The following LAMA1 variants were observed in gnomAD, a reference collection of about 807,000 sequenced individuals.
LAMA1 encodes laminin subunit alpha 1, also known as laminin subunit alpha-1.
LAMA1 carries 219 observed loss-of-function variants against 348.7 expected under a neutral mutation model. The observed-to-expected ratio is 0.63, with a 90% CI of 0.56 to 0.70. The LOEUF (loss-of-function observed/expected upper bound fraction) is 0.70, where lower values mean the gene tolerates loss of function less well. LAMA1 is among the 30% of genes least tolerant of loss of function. The pLI is 0.00. For missense variants in LAMA1, 3,744 were observed against 3,888.0 expected, an observed-to-expected ratio of 0.96 and a Z score of 0.99; for synonymous variants, 1,487 against 1,491.0, an observed-to-expected ratio of 1.00 and a Z score of 0.06.
Position 6,976,081 on chromosome 18 carries a change from C to G in LAMA1, c.6346-1G>C. ...TGTCTGCAGACACGGCGACTTTAAT[C>G]TGTAGAAGGAAAATGAAAGTGTCCC... On this transcript the variant is annotated splice_acceptor_variant, in intron 44 of 62. Coordinates refer to ENST00000389658, the MANE Select transcript of LAMA1 (RefSeq NM_005559.4). LOFTEE classifies it high-confidence loss of function. The G allele has an allele frequency of 1.9e-6, 3 of 1,614,080 alleles. No individual in the cohort carries two copies. Among genetic ancestry groups the G allele is most frequent in the Non-Finnish European group, 2.5e-6 (3 of 1,179,996 alleles).
intron 59 of LAMA1, 126 bp downstream of exon 59, chr18:6,948,975 A>T (rs1015293192): frequency 1.8e-5 from 22 of 1,241,158 alleles, no homozygotes; most frequent in Admixed American, 4.0e-5. Flanking sequence ...TGCAAAGTAA[A>T]CCTCTTCACA....
rs1156658277 is a variant in LAMA1 at position 6,961,656 on chromosome 18, C to T, written c.7556G>A (p.Ser2519Asn). 2 of 1,614,168 alleles carry T rather than the reference C, an allele frequency of 1.2e-6. No individual in the cohort carries two copies. The highest frequency in any genetic ancestry group is 1.7e-6 in the Non-Finnish European group (2 of 1,180,042). The change falls in exon 53 of 63, where the codon AGC becomes AAC. Residue 2519 changes from serine (S) to asparagine (N), a missense_variant. Around this residue, in one of 3 missense-constraint regions of LAMA1, gnomAD observed 1,983 missense variants for 1,934.3 expected, o/e 1.03. Coordinates refer to ENST00000389658, the MANE Select transcript of LAMA1 (RefSeq NM_005559.4). Reference sequence around the variant, plus strand: ...GAGGGCAGCCAGGATGATGCCACTGCTGTTCGTGGTGGCAAATGTTACCAG... The same window carrying T: ...GAGGGCAGCCAGGATGATGCCACTGTTGTTCGTGGTGGCAAATGTTACCAG... ...EWLVTFATTN[S>N]SGIILAALGG...
intron 47 of LAMA1, chr18:6,972,198 A>T (rs2057661499): frequency 2.6e-5 from 14 of 530,368 alleles, no homozygotes; most frequent in South Asian, 2.6e-4. Context: ...GATCTTAAAG[A>T]TCATCTCAGT....
At chr18:7,073,822 T>TTGTGTGTG (rs112415914) in intron 3 of LAMA1, among the ~76,000 whole-genome samples, 38 of 139,806 alleles carry the variant, frequency 2.7e-4, no homozygotes, top group African/African-American at 9.0e-4. Context: ...ACCATACTGG[T>TTGTGTGTG]TGTGTGTGTG....
chr18:6,946,706 C>T (rs898816552), intron 61 of LAMA1, among the ~76,000 whole-genome samples: 7 of 151,818 alleles, frequency 4.6e-5, no homozygotes, highest in Non-Finnish European at 8.8e-5. Context: ...GCAACAAGAG[C>T]GAAACTCCGT....
chr18:7,016,019 G>T (rs2057886152), intron 21 of LAMA1, among the ~76,000 whole-genome samples, 161 bp from the exon 22 acceptor site: 1 of 152,154 alleles, frequency 6.6e-6, no homozygotes, highest in African/African-American at 2.4e-5. Context: ...CATGGAGGTA[G>T]CCGGCCCTCC....
In LAMA1 at chr18:6,985,406, T is replaced by C. The variant is rs189390548; in HGVS notation, c.5497-6A>G. The stretch of plus-strand genomic sequence containing the variant: ...TCCTGGTGATCCTCTAAGTGCTACA[T>C]GGAGAAATTAATATTGTAAATATAT... On this transcript the variant is annotated splice_polypyrimidine_tract_variant and splice_region_variant and intron_variant, in intron 38 of 62. Transcript: ENST00000389658. 1.2e-4 allele frequency: 195 copies of C among 1,614,122 alleles called. No homozygotes were observed. Among genetic ancestry groups the C allele is most frequent in the Non-Finnish European group, 1.6e-4 (188 of 1,179,966 alleles).
chr18:6,947,476 G>A lies in LAMA1; in HGVS notation c.8711-180C>T, dbSNP rs771523377. On this transcript the variant is annotated intron_variant, in intron 60 of 62. Transcript: ENST00000389658. Reference sequence around the variant, plus strand: ...TCGGCTTCCACATCTGGGAGATGACGTGGAGCTTTTAAAGAAGACGCATGC... The same window carrying A: ...TCGGCTTCCACATCTGGGAGATGACATGGAGCTTTTAAAGAAGACGCATGC... 2.6e-5 allele frequency among the ~76,000 whole-genome samples: 4 copies of A among 152,130 alleles called. No individual in the cohort carries two copies. In the East Asian group the frequency reaches 5.8e-4, roughly 22 times the overall value.
Position 6,986,152 on chromosome 18 carries a change from A to C in LAMA1, c.5364T>G (p.Asn1788Lys). The stretch of plus-strand genomic sequence containing the variant: ...TGAGACTCACACTGAATTCTCTCAG[A>C]TTAGCATTGACCATGAGCAGCAGGT... ...SNHLLLMVNA[N>K]LREFSDKKLH... Residue 1788 changes from asparagine (N) to lysine (K), a missense_variant, in exon 37 of 63, where the codon AAT (asparagine) becomes AAG (lysine). By Grantham distance (94) the Asn-to-Lys change is moderately conservative. This residue lies in a region of LAMA1 where 1,983 missense variants were observed against 1,934.3 expected (regional missense o/e 1.03). Coordinates refer to ENST00000389658, the MANE Select transcript of LAMA1 (RefSeq NM_005559.4). The C allele has an allele frequency of 2.5e-6, 4 of 1,614,216 alleles. No homozygotes were observed. The South Asian group carries it at 4.4e-5, about 18-fold the overall frequency.
chr18:6,956,779 A>G lies in LAMA1; in HGVS notation c.7965-14T>C, dbSNP rs1313928629. ...AAATCCAAAAGTCTAGGTAGAAACA[A>G]GAGAGTGTTTTCAAAATTAGGATAT... On this transcript the variant is annotated splice_polypyrimidine_tract_variant and intron_variant, in intron 55 of 62. Transcript: ENST00000389658. 6.2e-7 allele frequency: 1 copy of G among 1,614,116 alleles called. No individual in the cohort carries two copies. Among genetic ancestry groups the G allele is most frequent in the African/African-American group, 1.3e-5 (1 of 75,062 alleles).
At chr18:7,102,928 T>G (rs1233781550) in intron 1 of LAMA1, among the ~76,000 whole-genome samples, 12 of 152,184 alleles carry the variant, frequency 7.9e-5, no homozygotes, top group Non-Finnish European at 1.5e-4. Context: ...TGTAATCCAT[T>G]TCTTCTTTGC....
chr18:6,966,113 A>G, intron 49 of LAMA1, 34 bp downstream of exon 49: 1 of 1,611,944 alleles, frequency 6.2e-7, no homozygotes, highest in South Asian at 1.1e-5. Context: ...ATGTGTGTAT[A>G]CAGTAGGGCC....
intron 1 of LAMA1, among the ~76,000 whole-genome samples, chr18:7,090,881 G>A (rs2058237316): frequency 6.6e-6 from 1 of 152,188 alleles, no homozygotes; most frequent in Non-Finnish European, 1.5e-5. Context: ...AGAGGGGGTG[G>A]TAAGCAGAAG....
intron 37 of LAMA1, among the ~76,000 whole-genome samples, chr18:6,985,915 C>T (rs1358111828): frequency 2.0e-5 from 3 of 152,196 alleles, no homozygotes; most frequent in South Asian, 2.1e-4. Context: ...CATGCCACCA[C>T]GCCCAGCTAA....
intron 3 of LAMA1, among the ~76,000 whole-genome samples, chr18:7,065,795 C>T (rs7237924): frequency 0.052 from 7,877 of 152,228 alleles, 657 homozygotes; most frequent in African/African-American, 0.18. Flanking sequence ...CCAAATTTCC[C>T]GGGCTATCTC....
intron 3 of LAMA1, among the ~76,000 whole-genome samples, chr18:7,060,067 A>G (rs2058096801): frequency 6.6e-6 from 1 of 152,258 alleles, no homozygotes; most frequent in Non-Finnish European, 1.5e-5. Flanking sequence ...TAGCGTGTCA[A>G]TCACGAAAGC....
chr18:7,043,051 T>C (rs2058027319), intron 8 of LAMA1, 176 bp downstream of exon 8: 3 of 640,452 alleles, frequency 4.7e-6, no homozygotes, highest in African/African-American at 1.8e-5. Flanking sequence ...ACATCTTATT[T>C]TGAGCAAGAA....
chr18:6,964,935 A>C, intron 50 of LAMA1, 132 bp from the exon 51 acceptor site: 1 of 1,046,432 alleles, frequency 9.6e-7, no homozygotes, highest in Admixed American at 2.0e-5. Context: ...TTGATCAGCT[A>C]ATGTTCTTGG....
chr18:7,115,147 G>GA (rs1018774458), intron 1 of LAMA1, among the ~76,000 whole-genome samples: 25 of 152,086 alleles, frequency 1.6e-4, no homozygotes, highest in Non-Finnish European at 7.4e-5. Context: ...TGACAGAAAA[G>GA]AAAAAACGCA....
Sources: allele counts gnomAD v4.1 joint callset (sites outside exome capture counted in the v4.1 genomes callset), GRCh38; gene constraint gnomAD v4.1.1; regional missense constraint gnomAD v4.1.1; transcripts MANE v1.5; gene names NCBI Gene and HGNC (gene_info 2026-07-23, HGNC 2026-07-21).